The following AMMECR1 variants were observed in gnomAD, a reference collection of about 807,000 sequenced individuals.
The protein encoded by AMMECR1 is AMMECR nuclear protein 1.
AMMECR1 carries 3 observed loss-of-function variants against 22.5 expected under a neutral mutation model. The ratio of observed to expected loss-of-function variants is 0.13; its 90% CI spans 0.06 to 0.35. The LOEUF (loss-of-function observed/expected upper bound fraction) is 0.35, where lower values mean the gene tolerates loss of function less well. AMMECR1 is among the 10% of genes least tolerant of loss of function. AMMECR1 has a pLI of 1.00. For synonymous variants in AMMECR1, 130 were observed against 116.7 expected, an observed-to-expected ratio of 1.11 and a Z score of -0.74; for missense variants, 235 against 278.7, an observed-to-expected ratio of 0.84 and a Z score of 1.12.
intron 2 of AMMECR1, among the ~76,000 whole-genome samples, chrX:110,345,060 G>A (rs2068182601): frequency 8.9e-6 from 1 of 111,959 alleles, no homozygotes; most frequent in Admixed American, 9.4e-5. Flanking sequence ...GTTTATTGTG[G>A]CACTATTCAC....
chrX:110,399,814 G>A (rs765936623), intron 2 of AMMECR1, among the ~76,000 whole-genome samples: 1 of 111,526 alleles, frequency 9.0e-6, no homozygotes, highest in East Asian at 2.8e-4. Flanking sequence ...TAACTAAGAG[G>A]GAGTTCTATG....
At chrX:110,316,305 C>T (rs1278730746) in intron 1 of AMMECR1, among the ~76,000 whole-genome samples, 1 of 111,705 alleles carries the variant, frequency 9.0e-6, no homozygotes, top group African/African-American at 3.3e-5. Flanking sequence ...GTAGTCCAAT[C>T]CTCTAATCTC....
intron 2 of AMMECR1, among the ~76,000 whole-genome samples, chrX:110,377,352 T>G (rs2068383910): frequency 8.9e-6 from 1 of 111,770 alleles, no homozygotes. Flanking sequence ...ATGGCCAGAA[T>G]AGCGAAACAC....
At chrX:110,219,415 T>C in intron 2 of AMMECR1, 1 of 752,883 alleles carries the variant, frequency 1.3e-6, no homozygotes, top group South Asian at 6.7e-5. Flanking sequence ...CGCTATACAG[T>C]TAATTTCTCA....
intron 2 of AMMECR1, among the ~76,000 whole-genome samples, chrX:110,397,765 T>C (rs909624228): frequency 5.7e-4 from 64 of 112,018 alleles, no homozygotes; most frequent in Non-Finnish European, 7.3e-4. Context: ...TCAGCTTCCC[T>C]GCTACAAGAG....
At chrX:110,316,520 T>C (rs965982937) in intron 1 of AMMECR1, among the ~76,000 whole-genome samples, 6 of 110,203 alleles carry the variant, frequency 5.4e-5, no homozygotes, top group Non-Finnish European at 1.1e-4. Context: ...CCTCTCTTGG[T>C]CTTTACATTC....
intron 2 of AMMECR1, among the ~76,000 whole-genome samples, chrX:110,241,975 A>G (rs1457896332): frequency 9.0e-6 from 1 of 111,516 alleles, no homozygotes; most frequent in Admixed American, 9.5e-5. Context: ...ACTGGCTCTC[A>G]CTTCACTAGC....
chrX:110,208,207 G>A (rs1309580006), intron 3 of AMMECR1, among the ~76,000 whole-genome samples: 2 of 111,989 alleles, frequency 1.8e-5, no homozygotes, highest in Non-Finnish European at 3.8e-5. Flanking sequence ...TATCCTTTGA[G>A]ATGCGTTTAG....
At chrX:110,305,690 G>T (rs1373600198) in intron 1 of AMMECR1, among the ~76,000 whole-genome samples, 1 of 111,591 alleles carries the variant, frequency 9.0e-6, no homozygotes, top group African/African-American at 3.3e-5. Flanking sequence ...AACTGAAATG[G>T]TTATATAGTC....
rs186417532 is a variant in AMMECR1 at position 110,380,073 on chromosome X, T to C, written c.-148+46585A>G. Reference sequence around the variant, plus strand: ...GGTCTGATTCCTTATCCCCATCAGATTTCCCAGGCATTCTGGTACAGGTGG... The same window carrying C: ...GGTCTGATTCCTTATCCCCATCAGACTTCCCAGGCATTCTGGTACAGGTGG... On this transcript the variant is annotated intron_variant, in intron 2 of 7. Coordinates refer to the AMMECR1 transcript ENST00000372057. Among the ~76,000 whole-genome samples, 18 of 111,645 alleles carry C rather than the reference T, an allele frequency of 1.6e-4. No homozygotes were observed. The Admixed American group carries it at 1.6e-3, about 10-fold the overall frequency.
chrX:110,254,849 A>C (rs1176762424), intron 2 of AMMECR1, among the ~76,000 whole-genome samples: 1 of 112,028 alleles, frequency 8.9e-6, no homozygotes, highest in East Asian at 2.8e-4. Flanking sequence ...CCACACCTCC[A>C]ATAACATCTC....
At chrX:110,243,458 A>C (rs1385851421) in intron 2 of AMMECR1, among the ~76,000 whole-genome samples, 1 of 112,641 alleles carries the variant, frequency 8.9e-6, no homozygotes, top group Non-Finnish European at 1.9e-5. Flanking sequence ...GTATTGCTAA[A>C]TAGATGGAAG....
chrX:110,358,749 G>C (rs887722949), intron 2 of AMMECR1: 6 of 111,726 alleles, frequency 5.4e-5, no homozygotes, highest in African/African-American at 1.3e-4. Context: ...AACTTTGTAG[G>C]CTGGGAAACA....
chrX:110,361,672 G>A (rs890576207), intron 2 of AMMECR1, among the ~76,000 whole-genome samples: 3 of 111,921 alleles, frequency 2.7e-5, no homozygotes, highest in African/African-American at 6.5e-5. Context: ...TATTGCAAGC[G>A]CCTTCTCGCC....
chrX:110,399,242 C>G, intron 2 of AMMECR1, among the ~76,000 whole-genome samples: 1 of 112,546 alleles, frequency 8.9e-6, no homozygotes, highest in East Asian at 2.8e-4. Context: ...TCAGAACAAC[C>G]CTTCAAGGTA....
chrX:110,260,065 T>C (rs1380299143), intron 2 of AMMECR1, among the ~76,000 whole-genome samples: 1 of 111,978 alleles, frequency 8.9e-6, no homozygotes, highest in East Asian at 2.8e-4. Flanking sequence ...AGAATATTTC[T>C]ACTTTGAAGT....
At chrX:110,402,099 TA>T (rs1366001940) in intron 2 of AMMECR1, among the ~76,000 whole-genome samples, 1 of 112,346 alleles carries the variant, frequency 8.9e-6, no homozygotes, top group Non-Finnish European at 1.9e-5. Flanking sequence ...CAATTTCAGA[TA>T]ATCTCTCTTG....
upstream of AMMECR1, among the ~76,000 whole-genome samples, chrX:110,318,483 A>G (rs1247747652): frequency 1.8e-5 from 2 of 110,574 alleles, no homozygotes; most frequent in Non-Finnish European, 3.8e-5. Flanking sequence ...GGGAAAGGGA[A>G]ACTAGTGGGG....
chrX:110,293,888 G>A (rs2067921338), intron 1 of AMMECR1, among the ~76,000 whole-genome samples: 1 of 111,141 alleles, frequency 9.0e-6, no homozygotes, highest in South Asian at 3.8e-4. Context: ...TACAGGCTTT[G>A]TTTATACCTA....
Sources: gnomAD v4.1 joint callset for allele counts (sites outside exome capture counted in the v4.1 genomes callset) on GRCh38, gnomAD v4.1.1 for gene constraint, MANE v1.5 for transcripts, NCBI Gene and HGNC (gene_info 2026-07-23, HGNC 2026-07-21) for gene names.